Variants in AK3 observed in about 807,000 individuals in gnomAD.
The protein encoded by AK3 is adenylate kinase 3.
A neutral mutation model predicts 23.7 loss-of-function variants in AK3; 27 were observed. The observed-to-expected ratio is 1.14, with a 90% CI of 0.84 to 1.57. The LOEUF (loss-of-function observed/expected upper bound fraction) is 1.57. Among genes scored for constraint, AK3 ranks in the 40% most tolerant of loss-of-function variants. The pLI, the probability that AK3 is intolerant of heterozygous loss-of-function variation, is 0.00. For synonymous variants in AK3, 159 were observed against 116.0 expected (o/e 1.37, Z -2.38); for missense variants, 406 against 285.6 (o/e 1.42, Z -3.04).
At chr9:4,719,053 C>T in intron 3 of AK3, 82 bp downstream of exon 3, 1 of 1,500,334 alleles carries the variant, frequency 6.7e-7, no homozygotes, top group Non-Finnish European at 9.1e-7. Context: ...AGAGGATTTC[C>T]AAGTTCACTC....
intron 4 of AK3, among the ~76,000 whole-genome samples, chr9:4,715,216 C>CAAA (rs1237615381): frequency 0.072 from 4,101 of 56,778 alleles, 196 homozygotes; most frequent in East Asian, 0.26. Context: ...GACTCCGTCT[C>CAAA]AAAAAAAAAA....
intron 1 of AK3, among the ~76,000 whole-genome samples, chr9:4,735,340 T>C (rs1438900856): frequency 3.1e-5 from 3 of 97,496 alleles, no homozygotes; most frequent in African/African-American, 1.4e-4. Flanking sequence ...TAAATATATA[T>C]ATACATATAT....
chr9:4,719,047 G>A lies in AK3; in HGVS notation c.444+88C>T, dbSNP rs184713659. 1.8e-5 allele frequency: 24 copies of A among 1,342,556 alleles called. No individual in the cohort carries two copies. In the African/African-American group the frequency reaches 1.9e-4, roughly 10 times the overall value. 83.2% of individuals were successfully genotyped at this position (1,342,556 alleles called of 1,614,324 possible). On this transcript the variant is annotated intron_variant, in intron 3 of 4. Coordinates refer to ENST00000381809, the MANE Select transcript of AK3 (RefSeq NM_016282.4). ...ATACCCTCAGGAGTTTTGGTCAGAG[G>A]ATTTCCAAGTTCACTCAACTTATGT...
At chr9:4,728,581 AT>A (rs1195851221) in intron 1 of AK3, among the ~76,000 whole-genome samples, 1 of 152,204 alleles carries the variant, frequency 6.6e-6, no homozygotes, top group Non-Finnish European at 1.5e-5. Context: ...AAACAAAAAA[AT>A]AAATAAAAAC....
At position 4,710,972 on chromosome 9, in the gene AK3, C is replaced by G. The variant is rs1240784648; in HGVS notation, c.*2004G>C. 6.6e-6 allele frequency: 1 copy of G among 152,054 alleles called. No homozygotes were observed. Among genetic ancestry groups the G allele is most frequent in the Non-Finnish European group, 1.5e-5 (1 of 68,004 alleles). 9.4% of individuals were successfully genotyped at this position (152,054 alleles called of 1,614,324 possible). On this transcript the variant is annotated 3_prime_UTR_variant, in exon 5 of 5. Transcript: ENST00000381809. ...ATTCCTAAAGTAATGAATGTATGTG[C>G]AAAACTTTGGGCTAAGTGTTTGCGG...
chr9:4,724,652 G>A (rs990004227), intron 1 of AK3, among the ~76,000 whole-genome samples: 3 of 152,116 alleles, frequency 2.0e-5, no homozygotes, highest in African/African-American at 7.2e-5. Context: ...GGTGGCTCAT[G>A]GCTGTAGTCT....
chr9:4,714,893 G>A (rs368452217), intron 4 of AK3, among the ~76,000 whole-genome samples: 15 of 152,082 alleles, frequency 9.9e-5, no homozygotes, highest in Admixed American at 6.5e-4. Flanking sequence ...GTCAAGTCTC[G>A]CTGAGTTCTA....
At chr9:4,723,115 A>G (rs1184522445) in intron 1 of AK3, among the ~76,000 whole-genome samples, 1 of 152,242 alleles carries the variant, frequency 6.6e-6, no homozygotes, top group Non-Finnish European at 1.5e-5. Context: ...TCTAAACTTC[A>G]GATTCTTCAT....
At chr9:4,715,650 G>T (rs1285960786) in intron 4 of AK3, among the ~76,000 whole-genome samples, 1 of 152,036 alleles carries the variant, frequency 6.6e-6, no homozygotes, top group African/African-American at 2.4e-5. Flanking sequence ...TCCTGCCTTA[G>T]CCTCCCAAAG....
chr9:4,737,030 G>A (rs1842310515), intron 1 of AK3, among the ~76,000 whole-genome samples: 1 of 151,040 alleles, frequency 6.6e-6, no homozygotes, highest in African/African-American at 2.4e-5. Context: ...CTCAGACTAA[G>A]CAATCACACT....
chr9:4,724,673 G>A (rs967262720), intron 1 of AK3, among the ~76,000 whole-genome samples: 1 of 152,068 alleles, frequency 6.6e-6, no homozygotes, highest in Non-Finnish European at 1.5e-5. Flanking sequence ...CAGCTACTCA[G>A]GAGACTGAGG....
At chr9:4,721,388 G>C (rs946898731) in intron 2 of AK3, among the ~76,000 whole-genome samples, 1 of 147,210 alleles carries the variant, frequency 6.8e-6, no homozygotes, top group Non-Finnish European at 1.5e-5. Flanking sequence ...GGGCAACAGA[G>C]CCAGACACTG....
chr9:4,729,015 A>ATATATTTTTT (rs71326127), intron 1 of AK3, among the ~76,000 whole-genome samples: 19 of 129,434 alleles, frequency 1.5e-4, no homozygotes, highest in African/African-American at 3.8e-4. Flanking sequence ...ATATATATAT[A>ATATATTTTTT]TTTTTTTTTT....
chr9:4,710,980 T>C lies in AK3; in HGVS notation c.*1996A>G, dbSNP rs891401887. The stretch of plus-strand genomic sequence containing the variant: ...AGTAATGAATGTATGTGCAAAACTT[T>C]GGGCTAAGTGTTTGCGGGTGGGGAG... On this transcript the variant is annotated 3_prime_UTR_variant, in exon 5 of 5. Transcript: ENST00000381809. 2 of 152,216 alleles carry C rather than the reference T, an allele frequency of 1.3e-5. No homozygotes were observed. Among genetic ancestry groups the C allele is most frequent in the Non-Finnish European group, 2.9e-5 (2 of 68,038 alleles). 9.4% of individuals were successfully genotyped at this position (152,216 alleles called of 1,614,324 possible).
chr9:4,716,972 A>T (rs1841753539), intron 4 of AK3, among the ~76,000 whole-genome samples: 1 of 152,236 alleles, frequency 6.6e-6, no homozygotes, highest in Non-Finnish European at 1.5e-5. Context: ...CTATTGCTTC[A>T]GATTTCTACT....
At chr9:4,721,940 C>A (rs10124574) in intron 2 of AK3, among the ~76,000 whole-genome samples, 1 of 152,068 alleles carries the variant, frequency 6.6e-6, no homozygotes, top group African/African-American at 2.4e-5. Flanking sequence ...ACTGAGTGCA[C>A]GCGTGCCTGT....
chr9:4,722,735 A>G (rs1841933847), intron 1 of AK3, 110 bp from the exon 2 acceptor site: 1 of 1,467,348 alleles, frequency 6.8e-7, no homozygotes, highest in Non-Finnish European at 9.3e-7. Flanking sequence ...CTCATCTGAA[A>G]ATGTGCATCA....
chr9:4,720,454 C>T (rs946057724), intron 2 of AK3, among the ~76,000 whole-genome samples: 2 of 152,056 alleles, frequency 1.3e-5, no homozygotes, highest in African/African-American at 2.4e-5. Flanking sequence ...GAGGCTGAGG[C>T]GGGAGGACTG....
At chr9:4,733,537 C>T (rs1842202403) in intron 1 of AK3, among the ~76,000 whole-genome samples, 4 of 152,132 alleles carry the variant, frequency 2.6e-5, no homozygotes, top group Admixed American at 2.6e-4. Context: ...GAATATTGCA[C>T]AAGAATTATA....
Sources: gnomAD v4.1 joint callset for allele counts (sites outside exome capture counted in the v4.1 genomes callset) on GRCh38, gnomAD v4.1.1 for gene constraint, MANE v1.5 for transcripts, NCBI Gene and HGNC (gene_info 2026-07-23, HGNC 2026-07-21) for gene names.